Variants in FRS2 observed in about 807,000 individuals in gnomAD.
The protein encoded by FRS2 is FGFR signalling adaptor.
A neutral mutation model predicts 43.9 loss-of-function variants in FRS2; 8 were observed. The ratio of observed to expected loss-of-function variants is 0.18; its 90% CI spans 0.11 to 0.33. The LOEUF (loss-of-function observed/expected upper bound fraction) is 0.33. Ranked by LOEUF, FRS2 falls within the 10% of genes least tolerant of loss-of-function variation. The pLI is 1.00. For missense variants in FRS2, 534 were observed against 627.6 expected, an observed-to-expected ratio of 0.85 and a Z score of 1.59; for synonymous variants, 219 against 220.3, an observed-to-expected ratio of 0.99 and a Z score of 0.05.
intron 1 of FRS2, among the ~76,000 whole-genome samples, chr12:69,497,267 G>A (rs1056177930): frequency 6.6e-6 from 1 of 152,216 alleles, no homozygotes; most frequent in African/African-American, 2.4e-5. Flanking sequence ...TGTGGGGTGA[G>A]CTTAGTGCTC....
chr12:69,524,099 G>T (rs498581), intron 1 of FRS2, among the ~76,000 whole-genome samples: 14,204 of 152,268 alleles, frequency 0.093, 872 homozygotes, highest in Non-Finnish European at 0.14. Context: ...TCCCTGCAAG[G>T]AATAGAATTG....
intron 1 of FRS2, among the ~76,000 whole-genome samples, chr12:69,473,008 T>C (rs556937730): frequency 2.6e-5 from 4 of 152,312 alleles, no homozygotes; most frequent in African/African-American, 9.6e-5. Flanking sequence ...TAAATACTTA[T>C]GGGTGGTTTG....
chr12:69,546,524 C>G (rs1878425778), intron 3 of FRS2, among the ~76,000 whole-genome samples: 1 of 152,096 alleles, frequency 6.6e-6, no homozygotes, highest in South Asian at 2.1e-4. Flanking sequence ...TCCCAAAGTG[C>G]TGGGATTACA....
rs185271595 is a variant in FRS2 at position 69,543,563 on chromosome 12, T to C, written c.-122+11507T>C. ...ACTTGGTGGTAAGTCATTTGGAGAA[T>C]GATGTAGTAGGGAAAGAGGAAAAGG... is the stretch of plus-strand genomic sequence containing the variant. On this transcript the variant is annotated intron_variant, in intron 3 of 8. Coordinates refer to ENST00000549921, the MANE Select transcript of FRS2 (RefSeq NM_001278356.2). Among the ~76,000 whole-genome samples, 84 of 152,268 alleles carry C rather than the reference T, an allele frequency of 5.5e-4. 1 individual carries two copies. The highest frequency in any genetic ancestry group is 3.4e-3 in the Middle Eastern group (1 of 294).
intron 3 of FRS2, among the ~76,000 whole-genome samples, chr12:69,540,315 C>T (rs1654089108): frequency 6.6e-6 from 1 of 150,416 alleles, no homozygotes; most frequent in Non-Finnish European, 1.5e-5. Flanking sequence ...ACAAGATCAG[C>T]TTAGAACATC....
At chr12:69,570,058 C>T (rs1880615362) in intron 5 of FRS2, among the ~76,000 whole-genome samples, 1 of 152,216 alleles carries the variant, frequency 6.6e-6, no homozygotes, top group Non-Finnish European at 1.5e-5. Context: ...CCTTAGACCA[C>T]ACTTCCTGCC....
chr12:69,507,183 A>G (rs1402295992), intron 1 of FRS2, among the ~76,000 whole-genome samples: 1 of 152,136 alleles, frequency 6.6e-6, no homozygotes, highest in African/African-American at 2.4e-5. Context: ...ACACAGCCCT[A>G]CTACAACATA....
intron 3 of FRS2, among the ~76,000 whole-genome samples, chr12:69,545,755 CAAAAAAAAAAA>C: frequency 1.2e-5 from 1 of 80,426 alleles, no homozygotes; most frequent in Non-Finnish European, 2.5e-5. Context: ...GACCCTGTCT[CAAAAAAAAAAA>C]AAAAAAAAAA....
intron 1 of FRS2, among the ~76,000 whole-genome samples, chr12:69,522,117 G>C (rs1454450270): frequency 6.6e-6 from 1 of 151,566 alleles, no homozygotes; most frequent in Non-Finnish European, 1.5e-5. Flanking sequence ...TGTGCTGCTG[G>C]ATTTGGCTTG....
At chr12:69,538,963 T>C (rs1043126813) in intron 3 of FRS2, among the ~76,000 whole-genome samples, 3 of 152,164 alleles carry the variant, frequency 2.0e-5, no homozygotes, top group African/African-American at 7.2e-5. Context: ...GACACCCCGG[T>C]AGCAAGAGCA....
chr12:69,517,970 C>A (rs920675851), intron 1 of FRS2, among the ~76,000 whole-genome samples: 1 of 151,708 alleles, frequency 6.6e-6, no homozygotes, highest in Non-Finnish European at 1.5e-5. Context: ...GCATTTTTTT[C>A]CTATATTGCA....
chr12:69,542,069 C>T (rs554014031), intron 3 of FRS2, among the ~76,000 whole-genome samples: 150 of 152,190 alleles, frequency 9.9e-4, no homozygotes, highest in African/African-American at 3.5e-3. Flanking sequence ...CAGATATTAT[C>T]AGGGCCATAT....
chr12:69,484,238 C>A (rs896286252), intron 1 of FRS2, among the ~76,000 whole-genome samples: 1 of 152,086 alleles, frequency 6.6e-6, no homozygotes, highest in African/African-American at 2.4e-5. Flanking sequence ...GCGCCCACCA[C>A]CACGCCCAGC....
chr12:69,509,852 T>C (rs1225646317), intron 1 of FRS2, among the ~76,000 whole-genome samples: 2 of 152,116 alleles, frequency 1.3e-5, no homozygotes, highest in Non-Finnish European at 2.9e-5. Context: ...TCAGGAAGGG[T>C]CAGTCATGCT....
rs577112108 is a variant in FRS2 at position 69,540,337 on chromosome 12, A to C, written c.-122+8281A>C. 6.1e-4 allele frequency among the ~76,000 whole-genome samples: 92 copies of C among 150,058 alleles called. 1 individual carries two copies. The South Asian group carries it at 0.014, about 22-fold the overall frequency. Reference sequence around the variant, plus strand: ...CAGCTTAGAACATCTTGTAGTGCCAAAAAAAAAAAGTAAAGAAGGGCTTTA... The same window carrying C: ...CAGCTTAGAACATCTTGTAGTGCCACAAAAAAAAAGTAAAGAAGGGCTTTA... On this transcript the variant is annotated intron_variant, in intron 3 of 8. Transcript: ENST00000549921.
At chr12:69,474,878 G>T (rs557216558) in intron 1 of FRS2, among the ~76,000 whole-genome samples, 4 of 152,198 alleles carry the variant, frequency 2.6e-5, no homozygotes, top group Admixed American at 2.0e-4. Context: ...TCTCATTAAG[G>T]CTGTTAATAT....
At chr12:69,558,350 G>C (rs1479915540) in intron 3 of FRS2, among the ~76,000 whole-genome samples, 1 of 152,230 alleles carries the variant, frequency 6.6e-6, no homozygotes, top group Non-Finnish European at 1.5e-5. Context: ...CCATGGGAAA[G>C]TATTCTGGTA....
intron 1 of FRS2, among the ~76,000 whole-genome samples, chr12:69,498,623 A>G (rs544153666): frequency 6.6e-6 from 1 of 151,084 alleles, no homozygotes; most frequent in African/African-American, 2.4e-5. Context: ...TGTGGTCAGG[A>G]CAATTCTTCC....
intron 3 of FRS2, among the ~76,000 whole-genome samples, chr12:69,546,850 A>G (rs889941174): frequency 6.6e-6 from 1 of 152,232 alleles, no homozygotes; most frequent in African/African-American, 2.4e-5. Context: ...CAGAATTACC[A>G]TATGATGCAG....
Sources: gnomAD v4.1 joint callset for allele counts (sites outside exome capture counted in the v4.1 genomes callset) on GRCh38, gnomAD v4.1.1 for gene constraint, MANE v1.5 for transcripts, NCBI Gene and HGNC (gene_info 2026-07-23, HGNC 2026-07-21) for gene names.